Variants in HIVEP1 observed in about 807,000 individuals in gnomAD.
HIVEP1 encodes the protein HIVEP zinc finger 1, also known as zinc finger protein 40.
HIVEP1 carries 36 observed loss-of-function variants against 180.0 expected under a neutral mutation model. That is an observed-to-expected ratio of 0.20 (90% CI 0.15 to 0.26). The LOEUF is 0.26. HIVEP1 is among the 10% of genes least tolerant of loss of function. The probability of loss-of-function intolerance (pLI) is 1.00; values close to 1 mark genes in which losing one functional copy is unlikely to be tolerated. For synonymous variants in HIVEP1, 1,239 were observed against 1,239.0 expected (o/e 1.00, Z 0.00); for missense variants, 3,143 against 3,268.7 (o/e 0.96, Z 0.94).
chr6:12,094,056 A>T (rs1237163764), intron 3 of HIVEP1, among the ~76,000 whole-genome samples: 1 of 151,672 alleles, frequency 6.6e-6, no homozygotes, highest in Non-Finnish European at 1.5e-5. Flanking sequence ...GTGTCTTATC[A>T]TTTTCCTCCA....
chr6:12,073,000 C>T (rs1475171011), intron 2 of HIVEP1, among the ~76,000 whole-genome samples: 1 of 151,938 alleles, frequency 6.6e-6, no homozygotes, highest in African/African-American at 2.4e-5. Flanking sequence ...ATTTGCGTGC[C>T]TAATAATTTT....
intron 1 of HIVEP1, among the ~76,000 whole-genome samples, chr6:12,014,336 A>G (rs1232459176): frequency 6.6e-6 from 1 of 152,212 alleles, no homozygotes; most frequent in Non-Finnish European, 1.5e-5. Context: ...GCAGTACCAC[A>G]TTCTTTAGTT....
intron 3 of HIVEP1, among the ~76,000 whole-genome samples, chr6:12,104,844 C>T (rs1026580601): frequency 2.0e-5 from 3 of 152,014 alleles, no homozygotes; most frequent in Non-Finnish European, 2.9e-5. Flanking sequence ...TGCTGTGTCT[C>T]TTTATACTTC....
chr6:12,010,580 G>A (rs1347874952), upstream of HIVEP1, among the ~76,000 whole-genome samples: 4 of 151,768 alleles, frequency 2.6e-5, no homozygotes, highest in African/African-American at 9.7e-5. Context: ...TTCCTTAAAA[G>A]GGGAAACCAG....
At chr6:12,085,162 G>A (rs1773036028) in intron 2 of HIVEP1, among the ~76,000 whole-genome samples, 1 of 152,054 alleles carries the variant, frequency 6.6e-6, no homozygotes, top group Non-Finnish European at 1.5e-5. Flanking sequence ...TAACGATTAT[G>A]AGCTATGCAG....
chr6:12,098,444 T>A (rs1246237394), intron 3 of HIVEP1, among the ~76,000 whole-genome samples: 1 of 152,186 alleles, frequency 6.6e-6, no homozygotes, highest in East Asian at 1.9e-4. Context: ...ATTGACTTCA[T>A]GCCATATATC....
chr6:12,074,839 T>A (rs9470900), intron 2 of HIVEP1, among the ~76,000 whole-genome samples: 31,483 of 152,010 alleles, frequency 0.21, 3,723 homozygotes, highest in African/African-American at 0.33. Context: ...AATGTATCCA[T>A]GTTTTCTTAT....
intron 3 of HIVEP1, among the ~76,000 whole-genome samples, chr6:12,104,258 C>T (rs1316734445): frequency 2.0e-5 from 3 of 151,954 alleles, no homozygotes; most frequent in Non-Finnish European, 4.4e-5. Flanking sequence ...CATATTGCCT[C>T]TGCCTCATTG....
At chr6:12,178,302 A>C in the HIVEP1 span, among the ~76,000 whole-genome samples, 23 of 152,244 alleles carry the variant, frequency 1.5e-4, no homozygotes, top group Non-Finnish European at 3.1e-4. Flanking sequence ...AACTGTGAGA[A>C]TAAGATCCGG....
chr6:12,127,974 A>G (rs1758195446), intron 4 of HIVEP1, among the ~76,000 whole-genome samples: 1 of 152,188 alleles, frequency 6.6e-6, no homozygotes, highest in South Asian at 2.1e-4. Flanking sequence ...TCACAATGGG[A>G]AAGAACAGAT....
intron 2 of HIVEP1, among the ~76,000 whole-genome samples, chr6:12,048,625 C>T (rs1489391716): frequency 3.9e-5 from 6 of 152,066 alleles, no homozygotes; most frequent in Non-Finnish European, 5.9e-5. Context: ...CATTTAAGGG[C>T]GAATACAGAA....
At chr6:12,056,331 G>A (rs2113736100) in intron 2 of HIVEP1, among the ~76,000 whole-genome samples, 1 of 152,236 alleles carries the variant, frequency 6.6e-6, no homozygotes, top group East Asian at 1.9e-4. Flanking sequence ...TGTTCTTAAG[G>A]AAAAGTGGAA....
At chr6:12,197,940 G>A in the HIVEP1 span, among the ~76,000 whole-genome samples, 2 of 152,206 alleles carry the variant, frequency 1.3e-5, no homozygotes, top group Non-Finnish European at 2.9e-5. Flanking sequence ...TGGGGGTGAG[G>A]AAGAGGGAGG....
chr6:12,077,453 G>A (rs1488474257), intron 2 of HIVEP1, among the ~76,000 whole-genome samples: 1 of 152,130 alleles, frequency 6.6e-6, no homozygotes, highest in Non-Finnish European at 1.5e-5. Flanking sequence ...AGTCCTTGGC[G>A]TCCTTGTCAT....
At chr6:12,150,762 T>C (rs1165948886) in intron 7 of HIVEP1, among the ~76,000 whole-genome samples, 1 of 152,178 alleles carries the variant, frequency 6.6e-6, no homozygotes, top group Admixed American at 6.5e-5. Context: ...CCCATTATGT[T>C]TTTAATGATG....
the HIVEP1 span, among the ~76,000 whole-genome samples, chr6:12,187,727 G>A: frequency 2.8e-4 from 42 of 151,886 alleles, no homozygotes; most frequent in Non-Finnish European, 5.0e-4. Context: ...TGAGTAGCTG[G>A]GATTACAGGT....
the HIVEP1 span, among the ~76,000 whole-genome samples, chr6:12,181,974 C>T: frequency 6.6e-4 from 100 of 152,208 alleles, no homozygotes; most frequent in African/African-American, 2.3e-3. Context: ...GATATGGAAA[C>T]TATGGAATAC....
rs558714502 is a variant in HIVEP1, at chr6:12,122,276, T to C, written c.2481T>C (p.Ser827=). The C allele has an allele frequency of 6.2e-7, 1 of 1,614,260 alleles. No individual in the cohort carries two copies. The highest frequency in any genetic ancestry group is 2.2e-5 in the East Asian group (1 of 44,896). Residue 827 remains serine (S), a synonymous_variant, in exon 4 of 9, where the codon TCT becomes TCC. Coordinates refer to ENST00000379388, the MANE Select transcript of HIVEP1 (RefSeq NM_002114.4). ...AATCAAAGCAAGTGTTTCTTCTGTC[T>C]GTACCTTCACTTGACTGTTTACCTA... is the stretch of plus-strand genomic sequence containing the variant. ...TEKSKQVFLL[S]VPSLDCLPIT... is the part of the protein sequence containing the mutation.
At position 12,129,977 on chromosome 6, in the gene HIVEP1, G is replaced by A; in HGVS notation, c.6209+85G>A. 3.4e-6 allele frequency: 3 copies of A among 892,970 alleles called. No homozygotes were observed. In the South Asian group the frequency reaches 4.8e-5, roughly 14 times the overall value. 55.3% of individuals were successfully genotyped at this position (892,970 alleles called of 1,614,324 possible). On this transcript the variant is annotated intron_variant, in intron 5 of 8. Coordinates refer to ENST00000379388, the MANE Select transcript of HIVEP1 (RefSeq NM_002114.4). Reference sequence around the variant, plus strand: ...GCTTTCATGTGAATGAAGACTTAGTGCCAATTTAGTATCGATGTTGCAAGG... The same window carrying A: ...GCTTTCATGTGAATGAAGACTTAGTACCAATTTAGTATCGATGTTGCAAGG...
Sources: allele counts gnomAD v4.1 joint callset (sites outside exome capture counted in the v4.1 genomes callset), GRCh38; gene constraint gnomAD v4.1.1; transcripts MANE v1.5; gene names NCBI Gene and HGNC (gene_info 2026-07-23, HGNC 2026-07-21).